GRIK4: variants seen among roughly 807,000 people sequenced by gnomAD.
The protein encoded by GRIK4 is glutamate receptor ionotropic, kainate 4.
In GRIK4, 40 loss-of-function variants were observed where a neutral mutation model predicts 104.9. The observed-to-expected ratio is 0.38, with a 90% CI of 0.30 to 0.50. GRIK4 has a LOEUF of 0.50. Among genes scored for constraint, GRIK4 ranks in the 20% least tolerant of loss-of-function variants. GRIK4 has a pLI of 0.93. For synonymous variants in GRIK4, 485 were observed against 524.9 expected (o/e 0.92, Z 1.04); for missense variants, 1,047 against 1,308.1 (o/e 0.80, Z 3.08).
At chr11:120,763,765 T>A (rs897175991) in intron 3 of GRIK4, among the ~76,000 whole-genome samples, 1 of 152,220 alleles carries the variant, frequency 6.6e-6, no homozygotes, top group Non-Finnish European at 1.5e-5. Context: ...TCAGTGAGTT[T>A]CTTAATTCTG....
intron 1 of GRIK4, among the ~76,000 whole-genome samples, chr11:120,553,691 T>G (rs1404824266): frequency 6.6e-6 from 1 of 152,084 alleles, no homozygotes; most frequent in East Asian, 1.9e-4. Context: ...GAGAGCCCTA[T>G]GGGCCTGGGG....
intron 3 of GRIK4, among the ~76,000 whole-genome samples, chr11:120,720,495 C>A (rs1401755998): frequency 6.6e-6 from 1 of 152,142 alleles, no homozygotes; most frequent in East Asian, 1.9e-4. Flanking sequence ...GATGCCAGGC[C>A]TGGACCACGT....
intron 7 of GRIK4, 49 bp downstream of exon 7, chr11:120,832,079 C>G (rs527268963): frequency 8.9e-6 from 12 of 1,353,956 alleles, no homozygotes; most frequent in Middle Eastern, 5.3e-4. Flanking sequence ...CCACCCTCCC[C>G]CCTCCTTGCC....
At chr11:120,538,204 A>C (rs1404923878) in intron 1 of GRIK4, among the ~76,000 whole-genome samples, 1 of 152,192 alleles carries the variant, frequency 6.6e-6, no homozygotes, top group African/African-American at 2.4e-5. Flanking sequence ...CCCCAGGACG[A>C]GGCTGCTTTC....
At chr11:120,914,064 A>C (rs17124543) in intron 13 of GRIK4, among the ~76,000 whole-genome samples, 4,746 of 152,272 alleles carry the variant, frequency 0.031, 261 homozygotes, top group African/African-American at 0.11. Context: ...TTCCCCATTA[A>C]GGCTTAGTTT....
At chr11:120,778,454 T>C (rs1181783238) in intron 3 of GRIK4, among the ~76,000 whole-genome samples, 3 of 152,246 alleles carry the variant, frequency 2.0e-5, no homozygotes, top group Non-Finnish European at 4.4e-5. Flanking sequence ...ATAAAGACTT[T>C]AGTTTGTATT....
intron 6 of GRIK4, among the ~76,000 whole-genome samples, chr11:120,825,547 C>T (rs939906855): frequency 2.6e-5 from 4 of 152,212 alleles, no homozygotes; most frequent in Non-Finnish European, 5.9e-5. Context: ...GGGCTTTGTC[C>T]TCCTACCAGC....
intron 4 of GRIK4, among the ~76,000 whole-genome samples, chr11:120,803,558 C>T (rs1213088867): frequency 1.3e-5 from 2 of 152,148 alleles, no homozygotes; most frequent in Admixed American, 6.5e-5. Flanking sequence ...ATGCCTCAGC[C>T]TCCCCAGTAG....
intron 3 of GRIK4, among the ~76,000 whole-genome samples, chr11:120,698,458 G>A (rs891682724): frequency 6.6e-6 from 1 of 152,204 alleles, no homozygotes; most frequent in Non-Finnish European, 1.5e-5. Flanking sequence ...TAGGTAAATT[G>A]CACAGAACTA....
At chr11:120,979,081 G>A (rs1005292812) in intron 19 of GRIK4, among the ~76,000 whole-genome samples, 2 of 152,192 alleles carry the variant, frequency 1.3e-5, no homozygotes, top group African/African-American at 4.8e-5. Flanking sequence ...AGATCTCATA[G>A]ACAGAATTAC....
chr11:120,534,626 G>A (rs1208525160), intron 1 of GRIK4, among the ~76,000 whole-genome samples: 2 of 152,182 alleles, frequency 1.3e-5, no homozygotes, highest in Non-Finnish European at 1.5e-5. Context: ...GGTGGAAAAC[G>A]CTGTAGTAAG....
intron 3 of GRIK4, among the ~76,000 whole-genome samples, chr11:120,736,645 A>G (rs1035425197): frequency 6.6e-6 from 1 of 152,208 alleles, no homozygotes; most frequent in African/African-American, 2.4e-5. Flanking sequence ...TAATTCTATT[A>G]TTTCTGTGTT....
intron 1 of GRIK4, among the ~76,000 whole-genome samples, chr11:120,621,865 G>A (rs906639542): frequency 6.6e-6 from 1 of 152,006 alleles, no homozygotes; most frequent in African/African-American, 2.4e-5. Flanking sequence ...GCTTGTGCTT[G>A]TCTTTATATA....
intron 3 of GRIK4, among the ~76,000 whole-genome samples, chr11:120,673,289 T>C (rs987863908): frequency 2.0e-5 from 3 of 152,206 alleles, no homozygotes; most frequent in Non-Finnish European, 4.4e-5. Flanking sequence ...GAATGAATGA[T>C]GGAGACCCAA....
chr11:120,839,852 A>G (rs1357889731), intron 8 of GRIK4, among the ~76,000 whole-genome samples: 1 of 152,236 alleles, frequency 6.6e-6, no homozygotes, highest in Non-Finnish European at 1.5e-5. Flanking sequence ...TTGATTACCC[A>G]TCACAAGAAT....
intron 8 of GRIK4, among the ~76,000 whole-genome samples, chr11:120,845,175 A>G (rs6589847): frequency 0.8 from 121,624 of 152,168 alleles, 48,672 homozygotes; most frequent in East Asian, 0.83. Context: ...CCTGATTACT[A>G]TGTTGACACT....
chr11:120,941,176 A>G (rs1356662881), intron 14 of GRIK4, among the ~76,000 whole-genome samples: 3 of 152,312 alleles, frequency 2.0e-5, no homozygotes, highest in Middle Eastern at 6.8e-3. Context: ...ATCTTGCTGG[A>G]CCAGAAGAGC....
chr11:120,666,006 G>C (rs1949907865), intron 3 of GRIK4, among the ~76,000 whole-genome samples: 1 of 152,172 alleles, frequency 6.6e-6, no homozygotes, highest in South Asian at 2.1e-4. Flanking sequence ...TCTACTGAGA[G>C]GTTAGAGATG....
At position 120,904,170 on chromosome 11, in the gene GRIK4, A is replaced by T. The variant is rs560252592; in HGVS notation, c.1273-1120A>T. ...CCAGCTTCAGCCTTGATCTCTGTAC[A>T]TGTGCAATCTCTGGCCCCTGTCTTA... On this transcript the variant is annotated intron_variant, in intron 12 of 20. Transcript: ENST00000527524. 5.1e-4 allele frequency among the ~76,000 whole-genome samples: 78 copies of T among 152,146 alleles called. No homozygotes were observed. The South Asian group carries it at 0.016, about 31-fold the overall frequency.
Sources: gnomAD v4.1 joint callset for allele counts (sites outside exome capture counted in the v4.1 genomes callset) on GRCh38, gnomAD v4.1.1 for gene constraint, MANE v1.5 for transcripts, NCBI Gene and HGNC (gene_info 2026-07-23, HGNC 2026-07-21) for gene names.